Variants in GPC6 observed in about 807,000 individuals in gnomAD.
GPC6 encodes glypican-6.
GPC6 carries 14 observed loss-of-function variants against 55.2 expected under a neutral mutation model. The ratio of observed to expected loss-of-function variants is 0.25; its 90% CI spans 0.17 to 0.40. GPC6 has a LOEUF of 0.40. Ranked by LOEUF, GPC6 falls within the 10% of genes least tolerant of loss-of-function variation. The pLI, the probability that GPC6 is intolerant of heterozygous loss-of-function variation, is 1.00. For synonymous variants in GPC6, 278 were observed against 259.6 expected, an observed-to-expected ratio of 1.07 and a Z score of -0.68; for missense variants, 641 against 708.5, an observed-to-expected ratio of 0.90 and a Z score of 1.08.
intron 2 of GPC6, among the ~76,000 whole-genome samples, chr13:93,785,584 A>C (rs1379340375): frequency 6.6e-6 from 1 of 152,222 alleles, no homozygotes; most frequent in Non-Finnish European, 1.5e-5. Context: ...GGGAACTATC[A>C]AACAGCTGTT....
At chr13:93,657,687 T>C (rs1310990208) in intron 2 of GPC6, among the ~76,000 whole-genome samples, 1 of 151,870 alleles carries the variant, frequency 6.6e-6, no homozygotes, top group African/African-American at 2.4e-5. Flanking sequence ...GAAGAAAATA[T>C]TTGCACACAA....
At chr13:93,550,426 T>C (rs920964321) in intron 2 of GPC6, among the ~76,000 whole-genome samples, 5 of 152,172 alleles carry the variant, frequency 3.3e-5, no homozygotes, top group Admixed American at 1.3e-4. Context: ...TTTAATGATA[T>C]ACATATGTCC....
At chr13:93,988,100 G>A (rs1397020331) in intron 3 of GPC6, among the ~76,000 whole-genome samples, 1 of 152,080 alleles carries the variant, frequency 6.6e-6, no homozygotes, top group Non-Finnish European at 1.5e-5. Flanking sequence ...GAATTACCAC[G>A]GGTAGTTTTT....
chr13:93,934,562 C>T (rs558417227), intron 3 of GPC6, among the ~76,000 whole-genome samples: 14 of 152,228 alleles, frequency 9.2e-5, no homozygotes, highest in Admixed American at 3.9e-4. Context: ...AGATTTTCAT[C>T]GCTGCAACAG....
chr13:93,753,197 A>G (rs575849144), intron 2 of GPC6, among the ~76,000 whole-genome samples: 4 of 152,244 alleles, frequency 2.6e-5, no homozygotes, highest in Non-Finnish European at 5.9e-5. Context: ...GTGTCTCGTT[A>G]CTTAGTGTTG....
intron 1 of GPC6, among the ~76,000 whole-genome samples, chr13:93,339,395 C>T (rs1296047806): frequency 8.0e-6 from 1 of 125,644 alleles, no homozygotes; most frequent in Admixed American, 7.8e-5. Context: ...AAAAAAAAAG[C>T]ACCACGTATA....
intron 1 of GPC6, among the ~76,000 whole-genome samples, chr13:93,410,834 T>C (rs1876470285): frequency 6.6e-6 from 1 of 152,176 alleles, no homozygotes; most frequent in Non-Finnish European, 1.5e-5. Context: ...CTAGAGGGAC[T>C]GTCACTGGAG....
intron 2 of GPC6, among the ~76,000 whole-genome samples, chr13:93,706,108 A>G (rs575755008): frequency 1.3e-5 from 2 of 151,972 alleles, no homozygotes; most frequent in East Asian, 3.9e-4. Context: ...GATTTTGCAC[A>G]TGGATTCTTT....
chr13:94,262,361 T>C (rs1891679161), intron 4 of GPC6, among the ~76,000 whole-genome samples: 1 of 152,056 alleles, frequency 6.6e-6, no homozygotes, highest in South Asian at 2.1e-4. Context: ...GTGATTCTCA[T>C]TGTAGTCAAG....
At chr13:93,552,725 C>G (rs758246042) in intron 2 of GPC6, among the ~76,000 whole-genome samples, 5 of 152,118 alleles carry the variant, frequency 3.3e-5, no homozygotes, top group Non-Finnish European at 5.9e-5. Flanking sequence ...GCAGCTGTTT[C>G]ACAGACAAGC....
rs117610454 is a variant in GPC6 at position 93,945,293 on chromosome 13, C to A, written c.712-82436C>A. On this transcript the variant is annotated intron_variant, in intron 3 of 8. Transcript: ENST00000377047. The stretch of plus-strand genomic sequence containing the variant: ...TCAATTGATTGTCATAGAATGTATT[C>A]GTGGATGTAAAAGGAGACTTTTACC... 6.9e-3 allele frequency among the ~76,000 whole-genome samples: 1,043 copies of A among 152,200 alleles called. 6 individuals are homozygous for A. Among genetic ancestry groups the A allele is most frequent in the Non-Finnish European group, 0.012 (786 of 68,024 alleles).
At chr13:93,380,462 G>T (rs1184887078) in intron 1 of GPC6, among the ~76,000 whole-genome samples, 1 of 152,182 alleles carries the variant, frequency 6.6e-6, no homozygotes. Context: ...GATGCGTAAA[G>T]AGAAGCTTCC....
At chr13:93,703,146 G>A (rs187708489) in intron 2 of GPC6, among the ~76,000 whole-genome samples, 209 of 151,960 alleles carry the variant, frequency 1.4e-3, no homozygotes, top group African/African-American at 4.9e-3. Flanking sequence ...AGAGGCCATT[G>A]TAGGGTTATT....
chr13:93,217,946 T>C, the GPC6 span, among the ~76,000 whole-genome samples: 4 of 152,286 alleles, frequency 2.6e-5, no homozygotes, highest in East Asian at 7.7e-4. Context: ...GCAAACAGCA[T>C]TGGATTGCTT....
intron 3 of GPC6, among the ~76,000 whole-genome samples, chr13:93,948,499 A>G (rs894768799): frequency 5.9e-5 from 9 of 152,208 alleles, no homozygotes; most frequent in East Asian, 1.9e-4. Context: ...TGTCCAGGCA[A>G]TTTTTTCTTA....
chr13:94,174,770 G>A (rs1252254923), intron 4 of GPC6, among the ~76,000 whole-genome samples: 3 of 152,104 alleles, frequency 2.0e-5, no homozygotes, highest in Admixed American at 6.5e-5. Context: ...ACGGAAAACA[G>A]CAGGTTTTTA....
In GPC6 at chr13:94,317,612, G is replaced by T. The variant is rs148501767; in HGVS notation, c.1152+11489G>T. Among the ~76,000 whole-genome samples the T allele has an allele frequency of 3.3e-5, 5 of 152,260 alleles. No homozygotes were observed. The East Asian group carries it at 7.7e-4, about 24-fold the overall frequency. Reference sequence around the variant, plus strand: ...CAAGGAACAAGAAGTATTTCATTAGGATTTTAATGGTGAGGGCTCAAGTGA... The same window carrying T: ...CAAGGAACAAGAAGTATTTCATTAGTATTTTAATGGTGAGGGCTCAAGTGA... On this transcript the variant is annotated intron_variant, in intron 6 of 8. Transcript: ENST00000377047.
In GPC6 at chr13:94,384,628, C is replaced by A. The variant is rs1247325586; in HGVS notation, c.1289+2078C>A. Among the ~76,000 whole-genome samples, 3 of 152,148 alleles carry A rather than the reference C, an allele frequency of 2.0e-5. No individual in the cohort carries two copies. In the East Asian group the frequency reaches 5.8e-4, roughly 29 times the overall value. On this transcript the variant is annotated intron_variant, in intron 7 of 8. Transcript: ENST00000377047. ...GAATATGAATGGGGAATATAAAGAC[C>A]ACTGAAGTTAGAGCTGGAGGAGATC... is the stretch of plus-strand genomic sequence containing the variant.
chr13:93,623,446 T>G (rs937752725), intron 2 of GPC6, among the ~76,000 whole-genome samples: 3 of 60,210 alleles, frequency 5.0e-5, no homozygotes, highest in African/African-American at 1.3e-4. Context: ...TTTTCTTTTC[T>G]TTTCTTTTCT....
Sources: allele counts gnomAD v4.1 joint callset (sites outside exome capture counted in the v4.1 genomes callset), GRCh38; gene constraint gnomAD v4.1.1; transcripts MANE v1.5; gene names NCBI Gene and HGNC (gene_info 2026-07-23, HGNC 2026-07-21).